The following SPEF2 variants were observed in gnomAD, a reference collection of about 807,000 sequenced individuals.
SPEF2 encodes the protein sperm flagella and cilia-associated protein 2.
Under a neutral mutation model 224.6 loss-of-function variants are expected in SPEF2, and 187 were observed. The ratio of observed to expected loss-of-function variants is 0.83; its 90% CI spans 0.74 to 0.94. SPEF2 has a LOEUF of 0.94. Among genes scored for constraint, SPEF2 ranks in the 40% least tolerant of loss-of-function variants. SPEF2 has a pLI of 0.00. For missense variants in SPEF2, 2,170 were observed against 2,135.6 expected (o/e 1.02, Z -0.32); for synonymous variants, 715 against 707.3 (o/e 1.01, Z -0.17).
intron 34 of SPEF2, among the ~76,000 whole-genome samples, chr5:35,805,622 T>G (rs1347328197): frequency 6.6e-6 from 1 of 152,136 alleles, no homozygotes; most frequent in South Asian, 2.1e-4. Context: ...GAAACATACA[T>G]ACATACACAC....
At chr5:35,799,504 T>A (rs561690022) in intron 33 of SPEF2, among the ~76,000 whole-genome samples, 1 of 152,280 alleles carries the variant, frequency 6.6e-6, no homozygotes, top group African/African-American at 2.4e-5. Flanking sequence ...TGAACCAGTT[T>A]AAAGACTTTT....
chr5:35,630,056 A>C (rs1404638506), intron 2 of SPEF2, among the ~76,000 whole-genome samples: 2 of 152,134 alleles, frequency 1.3e-5, no homozygotes, highest in Non-Finnish European at 2.9e-5. Flanking sequence ...AAGTTCCAAA[A>C]TCATCTCCTT....
At chr5:35,814,365 T>A in intron 36 of SPEF2, 99 bp from the exon 37 acceptor site, 1 of 549,134 alleles carries the variant, frequency 1.8e-6, no homozygotes, top group Non-Finnish European at 2.9e-6. Context: ...TGTTTAATGG[T>A]TGCCATGTAC....
In SPEF2 at chr5:35,711,371, T is replaced by G. The variant is rs528334016; in HGVS notation, c.2840-1441T>G. 4.1e-4 allele frequency among the ~76,000 whole-genome samples: 62 copies of G among 152,230 alleles called. 1 individual carries two copies. The highest frequency in any genetic ancestry group is 1.4e-3 in the African/African-American group (60 of 41,552). On this transcript the variant is annotated intron_variant, in intron 19 of 36. Transcript: ENST00000356031. ...AATTTTGTGATTTTTGTTAAAAAATTGTTCTATATTTTATTCAGTTCCATA... is the reference window on the plus strand; with the variant it reads ...AATTTTGTGATTTTTGTTAAAAAATGGTTCTATATTTTATTCAGTTCCATA...
At chr5:35,767,191 A>T (rs1056110358) in intron 26 of SPEF2, among the ~76,000 whole-genome samples, 11 of 151,980 alleles carry the variant, frequency 7.2e-5, no homozygotes, top group Non-Finnish European at 1.6e-4. Flanking sequence ...TTTGCTTTAT[A>T]TATATTTGAG....
At chr5:35,718,885 C>G (rs1341137544) in intron 20 of SPEF2, among the ~76,000 whole-genome samples, 1 of 152,106 alleles carries the variant, frequency 6.6e-6, no homozygotes, top group Non-Finnish European at 1.5e-5. Context: ...GAGTTTGGGA[C>G]AAAAATGTGT....
intron 13 of SPEF2, among the ~76,000 whole-genome samples, chr5:35,695,317 T>C (rs932090416): frequency 3.3e-4 from 50 of 152,040 alleles, no homozygotes; most frequent in African/African-American, 1.2e-3. Flanking sequence ...ACTTCTAGAG[T>C]CATCTGCTTT....
chr5:35,709,640 C>T (rs764050746), intron 19 of SPEF2: 50 of 922,098 alleles, frequency 5.4e-5, no homozygotes, highest in Non-Finnish European at 6.0e-5. Context: ...TCTCAGTAAA[C>T]ATATATTTAT....
At chr5:35,646,526 G>A in intron 4 of SPEF2, 141 bp from the exon 5 acceptor site, 3 of 692,138 alleles carry the variant, frequency 4.3e-6, no homozygotes, top group South Asian at 4.8e-5. Flanking sequence ...ATATTACACA[G>A]TTGTGACACC....
intron 28 of SPEF2, among the ~76,000 whole-genome samples, chr5:35,774,771 T>C (rs1319928006): frequency 6.6e-6 from 1 of 152,158 alleles, no homozygotes; most frequent in African/African-American, 2.4e-5. Context: ...TAAGTATGAT[T>C]TCCATCCCTT....
At chr5:35,764,713 TG>T (rs1259934434) in intron 26 of SPEF2, 1 of 456,228 alleles carries the variant, frequency 2.2e-6, no homozygotes, top group East Asian at 7.0e-5. Context: ...AATTTCCAAC[TG>T]GGCACTTTCC....
intron 33 of SPEF2, among the ~76,000 whole-genome samples, chr5:35,799,582 G>A (rs902953435): frequency 2.0e-5 from 3 of 151,988 alleles, no homozygotes; most frequent in Non-Finnish European, 2.9e-5. Flanking sequence ...CACAGAGACC[G>A]ATGGAACAGA....
intron 20 of SPEF2, among the ~76,000 whole-genome samples, chr5:35,720,009 G>A (rs1743325941): frequency 6.6e-6 from 1 of 152,198 alleles, no homozygotes; most frequent in Admixed American, 6.5e-5. Context: ...GGCTCTGCAA[G>A]TAGAGATTTA....
rs540601363 is a variant in SPEF2 at position 35,788,175 on chromosome 5, C to T, written c.4448-4165C>T. On this transcript the variant is annotated intron_variant, in intron 30 of 36. Transcript: ENST00000356031. ...TCATTAATGGAAGCAACAAGTAGCT[C>T]TCCAGTGAACAGAGCCACCACCAAA... 38 of 702,896 alleles carry T rather than the reference C, an allele frequency of 5.4e-5. No homozygotes were observed. In the African/African-American group the frequency reaches 5.9e-4, roughly 11 times the overall value. The allele number at this position is 702,896 out of a possible 1,614,324, so 43.5% of individuals were successfully genotyped here. A position where few individuals can be genotyped will look rare whatever the true frequency, so the allele number is the denominator to read the frequency against.
chr5:35,697,737 G>GAA lies in SPEF2; in HGVS notation c.2087_2088dup (p.Gly697LysfsTer14), dbSNP rs1755536076. The GAA allele has an allele frequency of 6.2e-7, 1 of 1,613,310 alleles. No homozygotes were observed. Among genetic ancestry groups the GAA allele is most frequent in the African/African-American group, 1.3e-5 (1 of 74,892 alleles). ...GTGCAAAATCAGAACAGTTGCTGAA[G>GAA]AAAGGAAAGAGCATTCCTGATGTGC... On this transcript the variant is annotated frameshift_variant, in exon 15 of 37. Coordinates refer to ENST00000356031, the MANE Select transcript of SPEF2 (RefSeq NM_024867.4). LOFTEE classifies it high-confidence loss of function.
At chr5:35,679,202 C>A (rs1752432667) in intron 10 of SPEF2, among the ~76,000 whole-genome samples, 1 of 152,158 alleles carries the variant, frequency 6.6e-6, no homozygotes, top group African/African-American at 2.4e-5. Context: ...ATTTTATTCC[C>A]TCTGGTAGGA....
At chr5:35,719,972 C>T (rs765458883) in intron 20 of SPEF2, among the ~76,000 whole-genome samples, 20 of 152,064 alleles carry the variant, frequency 1.3e-4, no homozygotes, top group Non-Finnish European at 7.4e-5. Flanking sequence ...ACAAGGACTG[C>T]GTAGACGAAG....
chr5:35,650,297 A>C (rs1050062804), intron 6 of SPEF2, among the ~76,000 whole-genome samples: 2 of 152,034 alleles, frequency 1.3e-5, no homozygotes, highest in Non-Finnish European at 2.9e-5. Flanking sequence ...CTTTCCTCCT[A>C]CCCTCTGCAG....
At chr5:35,788,405 G>C in intron 30 of SPEF2, 1 of 702,280 alleles carries the variant, frequency 1.4e-6, no homozygotes, top group Non-Finnish European at 2.6e-6. Context: ...TGCTGAAGTA[G>C]AACGAAAAAA....
Sources: gnomAD v4.1 joint callset for allele counts (sites outside exome capture counted in the v4.1 genomes callset) on GRCh38, gnomAD v4.1.1 for gene constraint, MANE v1.5 for transcripts, NCBI Gene and HGNC (gene_info 2026-07-23, HGNC 2026-07-21) for gene names.